CACNA2D3: variants seen among roughly 807,000 people sequenced by gnomAD.
The protein encoded by CACNA2D3 is voltage-dependent calcium channel subunit alpha-2/delta-3.
A neutral mutation model predicts 160.6 loss-of-function variants in CACNA2D3; 60 were observed. The ratio of observed to expected loss-of-function variants is 0.37; its 90% confidence interval spans 0.30 to 0.46. CACNA2D3 has a LOEUF of 0.46. Among genes scored for constraint, CACNA2D3 ranks in the 20% least tolerant of loss-of-function variants. The pLI is 1.00. For synonymous variants in CACNA2D3, 558 were observed against 492.9 expected (o/e 1.13, Z -1.75); for missense variants, 1,205 against 1,365.0 (o/e 0.88, Z 1.85).
intron 21 of CACNA2D3, among the ~76,000 whole-genome samples, chr3:54,881,515 T>C (rs1699795952): frequency 6.6e-6 from 1 of 152,228 alleles, no homozygotes; most frequent in Admixed American, 6.5e-5. Context: ...TTAAAATTGC[T>C]GTCACATGTG....
intron 13 of CACNA2D3, among the ~76,000 whole-genome samples, chr3:54,799,440 G>C (rs192957613): frequency 3.3e-5 from 5 of 152,148 alleles, no homozygotes; most frequent in African/African-American, 1.2e-4. Flanking sequence ...TGTATGTGTT[G>C]GGGGAAGTTC....
intron 3 of CACNA2D3, among the ~76,000 whole-genome samples, chr3:54,374,109 A>C (rs1260055588): frequency 6.6e-6 from 1 of 152,206 alleles, no homozygotes; most frequent in Non-Finnish European, 1.5e-5. Flanking sequence ...AATAAAGGGA[A>C]TTAAAGGCTT....
At chr3:54,427,777 A>C (rs544158154) in intron 4 of CACNA2D3, among the ~76,000 whole-genome samples, 3 of 152,332 alleles carry the variant, frequency 2.0e-5, no homozygotes, top group African/African-American at 7.2e-5. Context: ...CCAAGGTCAG[A>C]CAGGTAGGAC....
At chr3:54,758,122 G>A (rs1702009223) in intron 12 of CACNA2D3, among the ~76,000 whole-genome samples, 1 of 152,164 alleles carries the variant, frequency 6.6e-6, no homozygotes, top group South Asian at 2.1e-4. Flanking sequence ...TATGGTTCAG[G>A]TCCTGATGTT....
chr3:54,417,968 A>G (rs1215989316), intron 4 of CACNA2D3, among the ~76,000 whole-genome samples: 3 of 152,116 alleles, frequency 2.0e-5, no homozygotes, highest in South Asian at 2.1e-4. Context: ...TACATTTGTA[A>G]TAGGAGACAG....
chr3:54,486,681 C>T (rs1204512342), intron 4 of CACNA2D3, among the ~76,000 whole-genome samples: 1 of 152,154 alleles, frequency 6.6e-6, no homozygotes, highest in Non-Finnish European at 1.5e-5. Flanking sequence ...AGCAGCAGCA[C>T]CACATCTTGT....
At chr3:54,876,521 TA>T (rs1246621392) in intron 18 of CACNA2D3, among the ~76,000 whole-genome samples, 1 of 152,252 alleles carries the variant, frequency 6.6e-6, no homozygotes, top group Non-Finnish European at 1.5e-5. Context: ...GGTCAATTGT[TA>T]AAACATTTTA....
At chr3:55,031,770 G>A (rs1703694873) in intron 35 of CACNA2D3, among the ~76,000 whole-genome samples, 1 of 152,142 alleles carries the variant, frequency 6.6e-6, no homozygotes, top group Non-Finnish European at 1.5e-5. Flanking sequence ...AAAGAAAATG[G>A]GTGGAGAGGG....
At chr3:54,167,071 C>T (rs980390850) in intron 2 of CACNA2D3, among the ~76,000 whole-genome samples, 18 of 152,254 alleles carry the variant, frequency 1.2e-4, no homozygotes, top group African/African-American at 2.9e-4. Context: ...ACTCCCTTTG[C>T]GGAACAAGAA....
chr3:54,400,871 A>G (rs1293772451), intron 4 of CACNA2D3, among the ~76,000 whole-genome samples: 2 of 152,186 alleles, frequency 1.3e-5, no homozygotes, highest in African/African-American at 2.4e-5. Context: ...CCAAAGTAAC[A>G]CAATAATTCT....
intron 27 of CACNA2D3, among the ~76,000 whole-genome samples, chr3:54,958,921 T>C (rs1183636060): frequency 6.6e-6 from 1 of 151,788 alleles, no homozygotes; most frequent in African/African-American, 2.4e-5. Flanking sequence ...CTGGGCAACA[T>C]GGCAAAACCC....
chr3:54,724,959 A>G (rs1319980882), intron 11 of CACNA2D3, among the ~76,000 whole-genome samples: 1 of 152,224 alleles, frequency 6.6e-6, no homozygotes, highest in African/African-American at 2.4e-5. Context: ...AACACTTCAA[A>G]AAATTAGTGA....
chr3:54,945,566 T>C (rs1055803282), intron 27 of CACNA2D3, among the ~76,000 whole-genome samples: 3 of 152,084 alleles, frequency 2.0e-5, no homozygotes, highest in Non-Finnish European at 4.4e-5. Flanking sequence ...TCCCACTTAT[T>C]AGCACCATAA....
chr3:54,250,371 T>G (rs1050047882), intron 2 of CACNA2D3, among the ~76,000 whole-genome samples: 21 of 152,332 alleles, frequency 1.4e-4, no homozygotes, highest in African/African-American at 5.1e-4. Context: ...TAATTATATA[T>G]ATCTTTATCA....
At chr3:54,183,088 A>G (rs1700811364) in intron 2 of CACNA2D3, among the ~76,000 whole-genome samples, 1 of 152,128 alleles carries the variant, frequency 6.6e-6, no homozygotes, top group Admixed American at 6.5e-5. Flanking sequence ...TCCCCCCCCA[A>G]AATATTTTTC....
rs1868509 is a variant in CACNA2D3 at position 54,368,135 on chromosome 3, T to C, written c.322-18580T>C. On this transcript the variant is annotated intron_variant, in intron 3 of 37. Coordinates refer to ENST00000474759, the MANE Select transcript of CACNA2D3 (RefSeq NM_018398.3). Reference sequence around the variant, plus strand: ...ACATAGCTTGTTTTGACTTATTTTTTAAAAGAGTTATTATTTTAATGCTTA... The same window carrying C: ...ACATAGCTTGTTTTGACTTATTTTTCAAAAGAGTTATTATTTTAATGCTTA... 5.6e-3 allele frequency among the ~76,000 whole-genome samples: 849 copies of C among 152,214 alleles called. 7 individuals carry two copies. The highest frequency in any genetic ancestry group is 0.019 in the African/African-American group (792 of 41,512).
intron 4 of CACNA2D3, among the ~76,000 whole-genome samples, chr3:54,389,833 A>G (rs1295100016): frequency 1.3e-5 from 2 of 152,196 alleles, no homozygotes; most frequent in Non-Finnish European, 2.9e-5. Flanking sequence ...ACTACATGCA[A>G]TGTGTGATCC....
chr3:54,178,920 G>C (rs931555960), intron 2 of CACNA2D3, among the ~76,000 whole-genome samples: 2 of 152,142 alleles, frequency 1.3e-5, no homozygotes, highest in Non-Finnish European at 2.9e-5. Context: ...TGTTTGGAAG[G>C]CACTATAGGT....
Position 55,021,623 on chromosome 3 carries a change from GTGTATATA to G in CACNA2D3, c.2987+3308_2987+3315del, listed in dbSNP as rs1279800924. Among the ~76,000 whole-genome samples, 10 of 132,792 alleles carry G rather than the reference GTGTATATA, an allele frequency of 7.5e-5. 1 individual carries two copies. The highest frequency in any genetic ancestry group is 3.8e-3 in the Middle Eastern group (1 of 264). 87.1% of individuals were successfully genotyped at this position (132,792 alleles called of 152,430 possible). Reference sequence around the variant, plus strand: ...ATTATATATATATATATATGTGTGTGTGTATATATATATATATATATGTGTATATATAT... The same window carrying G: ...ATTATATATATATATATATGTGTGTGTATATATATATATGTGTATATATAT... On this transcript the variant is annotated intron_variant, in intron 35 of 37. Transcript: ENST00000474759.
Sources: allele counts gnomAD v4.1 joint callset (sites outside exome capture counted in the v4.1 genomes callset), GRCh38; gene constraint gnomAD v4.1.1; transcripts MANE v1.5; gene names NCBI Gene and HGNC (gene_info 2026-07-23, HGNC 2026-07-21).